The following C1orf167 variants were observed in gnomAD, a reference collection of about 807,000 sequenced individuals.
C1orf167 encodes the protein chromosome 1 open reading frame 167, also known as uncharacterized protein C1orf167.
Under a neutral mutation model 176.5 loss-of-function variants are expected in C1orf167, and 153 were observed. The ratio of observed to expected loss-of-function variants is 0.87; its 90% CI spans 0.76 to 0.99. The LOEUF (loss-of-function observed/expected upper bound fraction) is 0.99, where lower values mean the gene tolerates loss of function less well. C1orf167 is among the 50% of genes least tolerant of loss of function. C1orf167 has a pLI of 0.00. For missense variants in C1orf167, 1,490 were observed against 1,817.7 expected (o/e 0.82, Z 3.28); for synonymous variants, 594 against 752.7 (o/e 0.79, Z 3.45).
intron 8 of C1orf167, among the ~76,000 whole-genome samples, chr1:11,774,708 A>T (rs11121829): frequency 6.6e-6 from 1 of 151,968 alleles, no homozygotes; most frequent in African/African-American, 2.4e-5. Context: ...ATCTGTGGGG[A>T]CCAGATCAGC....
In C1orf167 at chr1:11,788,138, T is replaced by C; in HGVS notation, c.3849-11T>C. The C allele has an allele frequency of 7.8e-7, 1 of 1,282,380 alleles. No individual in the cohort carries two copies. The highest frequency in any genetic ancestry group is 2.2e-4 in the Middle Eastern group (1 of 4,628). 79.4% of individuals were successfully genotyped at this position (1,282,380 alleles called of 1,614,324 possible). A position where few individuals can be genotyped will look rare whatever the true frequency, so the allele number is the denominator to read the frequency against. On this transcript the variant is annotated splice_polypyrimidine_tract_variant and intron_variant, in intron 18 of 20. Coordinates refer to ENST00000688073, the MANE Select transcript of C1orf167 (RefSeq NM_001010881.2). Reference sequence around the variant, plus strand: ...CTGAGCCATGGCTACAGCTGGGCCCTCTCTGGCCAGTGCTCGTTCCTGCAG... The same window carrying C: ...CTGAGCCATGGCTACAGCTGGGCCCCCTCTGGCCAGTGCTCGTTCCTGCAG...
intron 16 of C1orf167, 129 bp from the exon 17 acceptor site, chr1:11,787,259 C>A: frequency 2.7e-6 from 1 of 372,322 alleles, no homozygotes; most frequent in Non-Finnish European, 4.6e-6. Flanking sequence ...ATGTCTTCAG[C>A]CACATGGGGG....
chr1:11,787,598 A>C (rs1012834933), intron 17 of C1orf167, 105 bp downstream of exon 17: 1 of 859,062 alleles, frequency 1.2e-6, no homozygotes, highest in Non-Finnish European at 1.6e-6. Context: ...ACACGGTCTT[A>C]TGTGTATTGA....
chr1:11,776,923 C>T (rs936808926), intron 10 of C1orf167, among the ~76,000 whole-genome samples: 3 of 152,154 alleles, frequency 2.0e-5, no homozygotes, highest in Admixed American at 6.5e-5. Context: ...CAGGGGTGGC[C>T]GGAACCCTAG....
Position 11,788,460 on chromosome 1 carries a change from C to T in C1orf167, c.4078+82C>T, listed in dbSNP as rs560051837. ...CCCAAACCCCTCTCAAAAGTATGGC[C>T]CTTGGACCTACTGACTCCAAAACCT... On this transcript the variant is annotated intron_variant, in intron 19 of 20. Coordinates refer to ENST00000688073, the MANE Select transcript of C1orf167 (RefSeq NM_001010881.2). 806 of 1,210,346 alleles carry T rather than the reference C, an allele frequency of 6.7e-4. 14 individuals are homozygous for T. In the South Asian group the frequency reaches 9.7e-3, roughly 15 times the overall value. 75.0% of individuals were successfully genotyped at this position (1,210,346 alleles called of 1,614,324 possible).
chr1:11,779,485 G>C (rs1282641189), intron 12 of C1orf167: 1 of 227,568 alleles, frequency 4.4e-6, no homozygotes, highest in Non-Finnish European at 8.8e-6. Context: ...GCGAGGCACG[G>C]CACATACATT....
In C1orf167 at chr1:11,768,244, C is replaced by T; in HGVS notation, c.1511C>T (p.Thr504Ile). Residue 504 changes from threonine to isoleucine, a missense_variant, in exon 5 of 21, where the codon ACA becomes ATA. Transcript: ENST00000688073. The surrounding 1 kb of genome is among the most constrained non-coding windows in gnomAD (Gnocchi z 4.5). ...CTGGAGGCAGCATGGGGGCAGTACA[C>T]AAAGGTTCTGCTGGTCCGGAGCTTC... ...AQLEAAWGQY[T>I]KVLLVRSFRE... The T allele has an allele frequency of 7.8e-7, 1 of 1,289,914 alleles. No homozygotes were observed. Among genetic ancestry groups the T allele is most frequent in the Non-Finnish European group, 1.0e-6 (1 of 988,846 alleles). 79.9% of individuals were successfully genotyped at this position (1,289,914 alleles called of 1,614,324 possible).
intron 6 of C1orf167, among the ~76,000 whole-genome samples, chr1:11,771,049 G>GTGTGTGTGTGTATA (rs1491322371): frequency 2.6e-4 from 9 of 34,910 alleles, no homozygotes; most frequent in South Asian, 1.6e-3. Context: ...GTGTGTGTGT[G>GTGTGTGTGTGTATA]TATATATATA....
At chr1:11,778,513 TG>T in intron 10 of C1orf167, 146 bp from the exon 11 acceptor site, 1 of 637,438 alleles carries the variant, frequency 1.6e-6, no homozygotes, top group Non-Finnish European at 2.3e-6. Context: ...GGCAGCAGCG[TG>T]GAACGCTAGC....
chr1:11,771,704 G>C, intron 7 of C1orf167, 68 bp downstream of exon 7: 1 of 1,016,312 alleles, frequency 9.8e-7, no homozygotes, highest in East Asian at 6.1e-5. Context: ...GCTCCACACT[G>C]GGCAGGGGCG....
At chr1:11,786,592 C>T (rs1038110415) in intron 16 of C1orf167, 1 of 131,590 alleles carries the variant, frequency 7.6e-6, no homozygotes, top group East Asian at 2.3e-4. Flanking sequence ...TGTGCCACCA[C>T]ACCCGGCTAA....
At position 11,772,194 on chromosome 1, in the gene C1orf167, T is replaced by C. The variant is rs750618095; in HGVS notation, c.1923T>C (p.Ser641=). 3.1e-6 allele frequency: 4 copies of C among 1,304,140 alleles called. No individual in the cohort carries two copies. In the African/African-American group the frequency reaches 4.6e-5, roughly 15 times the overall value. The allele number at this position is 1,304,140 out of a possible 1,614,324, so 80.8% of individuals were successfully genotyped here. A position where few individuals can be genotyped will look rare whatever the true frequency, so the allele number is the denominator to read the frequency against. Residue 641 remains serine, a synonymous_variant, in exon 8 of 21, where the codon TCT becomes TCC. Transcript: ENST00000688073. Reference sequence around the variant, plus strand: ...GGAGCTTCCCCCAGGCCTGGCACTCTACTGCTGCAGGTGTAGCCTGGGTGG... The same window carrying C: ...GGAGCTTCCCCCAGGCCTGGCACTCCACTGCTGCAGGTGTAGCCTGGGTGG... ...RTGSFPQAWH[S]TAAGVAWVAP... is the part of the protein sequence containing the mutation.
chr1:11,774,927 G>A (rs546737629), intron 8 of C1orf167, among the ~76,000 whole-genome samples: 19 of 152,324 alleles, frequency 1.2e-4, no homozygotes, highest in Non-Finnish European at 2.2e-4. Flanking sequence ...AGAGGTGATA[G>A]TGTCATGGCC....
rs193239558 is a variant in C1orf167, at chr1:11,778,832, G to A, written c.2496+16G>A. 94 of 1,296,872 alleles carry A rather than the reference G, an allele frequency of 7.2e-5. 1 individual carries two copies. In the East Asian group the frequency reaches 4.8e-3, roughly 66 times the overall value. 80.3% of individuals were successfully genotyped at this position (1,296,872 alleles called of 1,614,324 possible). ...TCTGGAGAAGGTGAGAGGTAGGAGG[G>A]TGGGGAGGGGCTGGGGCAGGTAGGG... On this transcript the variant is annotated intron_variant, in intron 11 of 20. Transcript: ENST00000688073.
intron 12 of C1orf167, chr1:11,779,399 A>C (rs552325628): frequency 4.1e-4 from 90 of 217,760 alleles, no homozygotes; most frequent in African/African-American, 1.9e-3. Flanking sequence ...ATCTTGGGCA[A>C]GTTGCATAAC....
chr1:11,766,479 C>T lies in C1orf167; in HGVS notation c.693C>T (p.Ala231=). 1.6e-6 allele frequency: 2 copies of T among 1,286,118 alleles called. No homozygotes were observed. The highest frequency in any genetic ancestry group is 2.0e-6 in the Non-Finnish European group (2 of 986,888). The allele number at this position is 1,286,118 out of a possible 1,614,324, so 79.7% of individuals were successfully genotyped here. A position where few individuals can be genotyped will look rare whatever the true frequency, so the allele number is the denominator to read the frequency against. ...TCCCCAGTCAGAACCAGACTCAGGC[C>T]CCATCCCGTGCTGCCGTCCACCAGC... The part of the protein sequence containing the change: ...LAVPSQNQTQ[A]PSRAAVHQLL... The change falls in exon 3 of 21, where the codon GCC becomes GCT. Residue 231 remains alanine (A), a synonymous_variant. Transcript: ENST00000688073. This position sits in a 1 kb window ranked among gnomAD's most constrained non-coding sequence, Gnocchi z 4.5.
chr1:11,769,537 C>T (rs887300835), intron 6 of C1orf167, among the ~76,000 whole-genome samples: 9 of 152,034 alleles, frequency 5.9e-5, no homozygotes, highest in African/African-American at 1.9e-4. Context: ...CACTGCACTC[C>T]AGCCTGGGCA....
rs775566076 is a variant in C1orf167 at position 11,768,270 on chromosome 1, C to G, written c.1537C>G (p.Arg513Gly). The G allele has an allele frequency of 7.8e-7, 1 of 1,289,856 alleles. No homozygotes were observed. Among genetic ancestry groups the G allele is most frequent in the South Asian group, 1.2e-5 (1 of 81,016 alleles). The allele number at this position is 1,289,856 out of a possible 1,614,324, so 79.9% of individuals were successfully genotyped here. A position where few individuals can be genotyped will look rare whatever the true frequency, so the allele number is the denominator to read the frequency against. The change falls in exon 5 of 21, where the codon CGA (arginine) becomes GGA (glycine). Residue 513 changes from arginine to glycine, a missense_variant. Physicochemically the swap from Arg to Gly is moderately radical, Grantham distance 125. Transcript: ENST00000688073. The surrounding 1 kb of genome is among the most constrained non-coding windows in gnomAD (Gnocchi z 4.5). ...AAAGGTTCTGCTGGTCCGGAGCTTC[C>G]GAGAGGTCAGCGGTCTCCAGGTTGG... ...YTKVLLVRSF[R>G]EWRNLALQQK...
chr1:11,784,958 T>A (rs1202694062), intron 15 of C1orf167, among the ~76,000 whole-genome samples, 190 bp from the exon 16 acceptor site: 1 of 152,150 alleles, frequency 6.6e-6, no homozygotes, highest in African/African-American at 2.4e-5. Context: ...CGTCTGTGAT[T>A]TTCTCCTTCC....
Sources: allele counts gnomAD v4.1 joint callset (sites outside exome capture counted in the v4.1 genomes callset), GRCh38; gene constraint gnomAD v4.1.1; non-coding constraint Gnocchi (gnomAD v3.1); transcripts MANE v1.5; gene names NCBI Gene and HGNC (gene_info 2026-07-23, HGNC 2026-07-21).